The following HMGN4 variants were observed in gnomAD, a reference collection of about 807,000 sequenced individuals.
The protein encoded by HMGN4 is high mobility group nucleosomal binding domain 4, also known as high mobility group nucleosome-binding domain-containing protein 4.
For missense variants in HMGN4, 69 were observed against 104.9 expected (o/e 0.66, Z 1.49); for synonymous variants, 39 against 39.1 (o/e 1.00, Z 0.01).
chr6:26,542,238 T>C lies in HMGN4; in HGVS notation c.-80-2889T>C, dbSNP rs150534645. Reference sequence around the variant, plus strand: ...TTCCTTTTTTCAGAGCAATTTTTGGTTTACAGAAAATTGAGCAGAAGATAC... The same window carrying C: ...TTCCTTTTTTCAGAGCAATTTTTGGCTTACAGAAAATTGAGCAGAAGATAC... On this transcript the variant is annotated intron_variant, in intron 1 of 1. Transcript: ENST00000377575. The surrounding 1 kb of genome is among the most constrained non-coding windows in gnomAD (Gnocchi z 4.6). 3.3e-4 allele frequency among the ~76,000 whole-genome samples: 51 copies of C among 152,276 alleles called. No individual in the cohort carries two copies. The East Asian group carries it at 9.8e-3, about 29-fold the overall frequency.
At chr6:26,543,138 G>A (rs1420975937) in intron 1 of HMGN4, among the ~76,000 whole-genome samples, 1 of 152,062 alleles carries the variant, frequency 6.6e-6, no homozygotes, top group East Asian at 1.9e-4. Flanking sequence ...ACCTTTCAAA[G>A]TAAAAGGGAA....
In HMGN4 at chr6:26,546,824, G is replaced by C. The variant is rs1764356023; in HGVS notation, c.*1345G>C. ...TGTATTGAATTTATAGATTAATCTGGTAAACCATGTCATCTTTACAATGTT... is the reference window on the plus strand; with the variant it reads ...TGTATTGAATTTATAGATTAATCTGCTAAACCATGTCATCTTTACAATGTT... On this transcript the variant is annotated 3_prime_UTR_variant, in exon 2 of 2. Coordinates refer to ENST00000377575, the MANE Select transcript of HMGN4 (RefSeq NM_006353.3). 6.6e-6 allele frequency among the ~76,000 whole-genome samples: 1 copy of C among 152,150 alleles called. No individual in the cohort carries two copies. Among genetic ancestry groups the C allele is most frequent in the Admixed American group, 6.5e-5 (1 of 15,286 alleles).
In HMGN4 at chr6:26,545,119, T is replaced by G. The variant is rs1242772306; in HGVS notation, c.-80-8T>G. On this transcript the variant is annotated splice_region_variant and splice_polypyrimidine_tract_variant and intron_variant, in intron 1 of 1. Coordinates refer to ENST00000377575, the MANE Select transcript of HMGN4 (RefSeq NM_006353.3). Reference sequence around the variant, plus strand: ...TTTATGGTTTACGCTTTTTGTGTCTTGTTAAAGACATCTTTCCAGGAACAG... The same window carrying G: ...TTTATGGTTTACGCTTTTTGTGTCTGGTTAAAGACATCTTTCCAGGAACAG... The G allele has an allele frequency of 2.6e-6, 3 of 1,176,088 alleles. No homozygotes were observed. Among genetic ancestry groups the G allele is most frequent in the Non-Finnish European group, 3.5e-6 (3 of 864,670 alleles). 72.9% of individuals were successfully genotyped at this position (1,176,088 alleles called of 1,614,324 possible). A position where few individuals can be genotyped will look rare whatever the true frequency, so the allele number is the denominator to read the frequency against.
At position 26,545,434 on chromosome 6, in the gene HMGN4, TAC is replaced by T. The variant is rs1399904098; in HGVS notation, c.231_232del (p.Leu78ProfsTer24). 6.2e-7 allele frequency: 1 copy of T among 1,602,698 alleles called. No individual in the cohort carries two copies. The highest frequency in any genetic ancestry group is 8.5e-7 in the Non-Finnish European group (1 of 1,175,612). ...NNPAKNRDAS[T>X]LQSQKAEGTG... Reference sequence around the variant, plus strand: ...ACCCTGCAAAAAACCGAGATGCCTCTACACTCCAGTCCCAGAAAGCGGAAGGC... The same window carrying T: ...ACCCTGCAAAAAACCGAGATGCCTCTACTCCAGTCCCAGAAAGCGGAAGGC... On this transcript the variant is annotated frameshift_variant, in exon 2 of 2. Coordinates refer to ENST00000377575, the MANE Select transcript of HMGN4 (RefSeq NM_006353.3). LOFTEE classifies it high-confidence loss of function.
chr6:26,545,157 A>C lies in HMGN4; in HGVS notation c.-50A>C. The C allele has an allele frequency of 6.7e-7, 1 of 1,482,418 alleles. No homozygotes were observed. Among genetic ancestry groups the C allele is most frequent in the Non-Finnish European group, 9.0e-7 (1 of 1,109,736 alleles). 91.8% of individuals were successfully genotyped at this position (1,482,418 alleles called of 1,614,324 possible). On this transcript the variant is annotated 5_prime_UTR_variant, in exon 2 of 2. Transcript: ENST00000377575. ...TTTCCAGGAACAGCGTGAGGAGGAC[A>C]GAAGCACCCAACAGGACTGCTCAAG...
chr6:26,543,402 G>A (rs975255795), intron 1 of HMGN4, among the ~76,000 whole-genome samples: 1 of 126,090 alleles, frequency 7.9e-6, no homozygotes. Flanking sequence ...AGAACTGTAT[G>A]TCTCAGTGGC....
intron 1 of HMGN4, chr6:26,539,760 T>C (rs1764266342): frequency 1.3e-5 from 2 of 152,190 alleles, no homozygotes; most frequent in South Asian, 4.1e-4. Flanking sequence ...CATTCTTTTG[T>C]CATCTTGCTG....
rs1764297748 is a variant in HMGN4 at position 26,542,278 on chromosome 6, C to T, written c.-80-2849C>T. ...GCAGAAGATACAGAGTTCCCACATA[C>T]TTCCTTTCCCCCACCTCAGTTTCTC... is the stretch of plus-strand genomic sequence containing the variant. On this transcript the variant is annotated intron_variant, in intron 1 of 1. Transcript: ENST00000377575. The surrounding 1 kb of genome is among the most constrained non-coding windows in gnomAD (Gnocchi z 4.6). Among the ~76,000 whole-genome samples the T allele has an allele frequency of 6.6e-6, 1 of 152,130 alleles. No individual in the cohort carries two copies. Among genetic ancestry groups the T allele is most frequent in the Non-Finnish European group, 1.5e-5 (1 of 68,032 alleles).
At position 26,546,298 on chromosome 6, in the gene HMGN4, C is replaced by T. The variant is rs1764349871; in HGVS notation, c.*819C>T. ...AAGTCATAAATATATTCTTTACTGC[C>T]TTGTGGAAATTTTATAGTTTTGCCT... On this transcript the variant is annotated 3_prime_UTR_variant, in exon 2 of 2. Coordinates refer to ENST00000377575, the MANE Select transcript of HMGN4 (RefSeq NM_006353.3). 1 of 167,034 alleles carries T rather than the reference C, an allele frequency of 6.0e-6. No individual in the cohort carries two copies. Among genetic ancestry groups the T allele is most frequent in the African/African-American group, 2.4e-5 (1 of 41,442 alleles). The allele number at this position is 167,034 out of a possible 1,614,324, so 10.3% of individuals were successfully genotyped here.
In HMGN4 at chr6:26,545,685, A is replaced by G. The variant is rs563506210; in HGVS notation, c.*206A>G. Reference sequence around the variant, plus strand: ...AGAAACTGAATTGAAATAAGGGAAAATAGGATTTTCTGTCCTGGTTTTTGA... The same window carrying G: ...AGAAACTGAATTGAAATAAGGGAAAGTAGGATTTTCTGTCCTGGTTTTTGA... On this transcript the variant is annotated 3_prime_UTR_variant, in exon 2 of 2. Transcript: ENST00000377575. 3 of 336,904 alleles carry G rather than the reference A, an allele frequency of 8.9e-6. No homozygotes were observed. The highest frequency in any genetic ancestry group is 1.3e-4 in the South Asian group (1 of 7,628). 20.9% of individuals were successfully genotyped at this position (336,904 alleles called of 1,614,324 possible).
intron 1 of HMGN4, among the ~76,000 whole-genome samples, chr6:26,540,228 C>T (rs866878245): frequency 6.6e-6 from 1 of 152,162 alleles, no homozygotes; most frequent in Non-Finnish European, 1.5e-5. Flanking sequence ...ACTCATGCTG[C>T]GTCTCTAATA....
chr6:26,545,745 A>C lies in HMGN4; in HGVS notation c.*266A>C, dbSNP rs1764341727. 2 of 218,140 alleles carry C rather than the reference A, an allele frequency of 9.2e-6. No individual in the cohort carries two copies. The highest frequency in any genetic ancestry group is 1.5e-4 in the South Asian group (1 of 6,496). 13.5% of individuals were successfully genotyped at this position (218,140 alleles called of 1,614,324 possible). On this transcript the variant is annotated 3_prime_UTR_variant, in exon 2 of 2. Coordinates refer to ENST00000377575, the MANE Select transcript of HMGN4 (RefSeq NM_006353.3). Reference sequence around the variant, plus strand: ...TTGATTCCCTTGATTCCCAGGAGAGATTCTCTGACATTCACGTGTCAGCCA... The same window carrying C: ...TTGATTCCCTTGATTCCCAGGAGAGCTTCTCTGACATTCACGTGTCAGCCA...
intron 1 of HMGN4, among the ~76,000 whole-genome samples, chr6:26,541,777 C>T (rs981069819): frequency 6.6e-6 from 1 of 152,060 alleles, no homozygotes; most frequent in African/African-American, 2.4e-5. Flanking sequence ...GTTTCTTCTC[C>T]CCTACAGCAA....
rs1427015558 is a variant in HMGN4 at position 26,546,533 on chromosome 6, GA to G, written c.*1055del. Among the ~76,000 whole-genome samples the G allele has an allele frequency of 6.6e-6, 1 of 152,122 alleles. No homozygotes were observed. Among genetic ancestry groups the G allele is most frequent in the Non-Finnish European group, 1.5e-5 (1 of 68,032 alleles). On this transcript the variant is annotated 3_prime_UTR_variant, in exon 2 of 2. Coordinates refer to ENST00000377575, the MANE Select transcript of HMGN4 (RefSeq NM_006353.3). The stretch of plus-strand genomic sequence containing the variant: ...TCTTTTGATGGTTTCTATTCTGACT[GA>G]CATCAATTTGTCTAATCTTGTAGCA...
intron 1 of HMGN4, among the ~76,000 whole-genome samples, chr6:26,539,634 T>TAAA (rs61003052): frequency 1.3e-4 from 16 of 125,062 alleles, no homozygotes; most frequent in South Asian, 5.2e-4. Flanking sequence ...TCCGCAAAAT[T>TAAA]AAAAAAAAAA....
rs1764344366 is a variant in HMGN4 at position 26,545,841 on chromosome 6, A to G, written c.*362A>G. The G allele has an allele frequency of 5.9e-6, 1 of 170,850 alleles. No individual in the cohort carries two copies. Among genetic ancestry groups the G allele is most frequent in the Admixed American group, 6.5e-5 (1 of 15,464 alleles). The allele number at this position is 170,850 out of a possible 1,614,324, so 10.6% of individuals were successfully genotyped here. On this transcript the variant is annotated 3_prime_UTR_variant, in exon 2 of 2. Transcript: ENST00000377575. ...CTCCCCTTTCCCCGATGCCATCAGC[A>G]TAGACTTGACTTCCTTAAACCGAGA... is the stretch of plus-strand genomic sequence containing the variant.
chr6:26,539,075 C>T (rs1238626490), intron 1 of HMGN4, among the ~76,000 whole-genome samples: 1 of 152,184 alleles, frequency 6.6e-6, no homozygotes, highest in Non-Finnish European at 1.5e-5. Flanking sequence ...TTACCTCTGC[C>T]ACATGGCTTG....
chr6:26,544,116 C>T (rs946871128), intron 1 of HMGN4, among the ~76,000 whole-genome samples: 1 of 152,118 alleles, frequency 6.6e-6, no homozygotes, highest in Non-Finnish European at 1.5e-5. Flanking sequence ...AGGTAATACT[C>T]CAGCCATGTG....
Position 26,545,205 on chromosome 6 carries a change from C to T in HMGN4, c.-2C>T. 1 of 1,603,026 alleles carries T rather than the reference C, an allele frequency of 6.2e-7. No individual in the cohort carries two copies. The highest frequency in any genetic ancestry group is 1.3e-5 in the African/African-American group (1 of 74,486). ...AAGCCACCTGCGAACACTGCTGCTA[C>T]CATGCCCAAGAGAAAGGCAAAAGGA... On this transcript the variant is annotated 5_prime_UTR_variant, in exon 2 of 2. Transcript: ENST00000377575.
Sources: allele counts gnomAD v4.1 joint callset (sites outside exome capture counted in the v4.1 genomes callset), GRCh38; gene constraint gnomAD v4.1.1; non-coding constraint Gnocchi (gnomAD v3.1); transcripts MANE v1.5; gene names NCBI Gene and HGNC (gene_info 2026-07-23, HGNC 2026-07-21).